The following IL1RAP variants were observed in gnomAD, a reference collection of about 807,000 sequenced individuals.
IL1RAP encodes the protein interleukin-1 receptor accessory protein.
A neutral mutation model predicts 60.7 loss-of-function variants in IL1RAP; 35 were observed. The ratio of observed to expected loss-of-function variants is 0.58; its 90% CI spans 0.44 to 0.76. The LOEUF (loss-of-function observed/expected upper bound fraction) is 0.76. Ranked by LOEUF, IL1RAP falls within the 30% of genes least tolerant of loss-of-function variation. The probability of loss-of-function intolerance (pLI) is 0.00; values close to 1 mark genes in which losing one functional copy is unlikely to be tolerated. For synonymous variants in IL1RAP, 268 were observed against 250.9 expected (o/e 1.07, Z -0.64); for missense variants, 572 against 693.9 (o/e 0.82, Z 1.97).
intron 3 of IL1RAP, among the ~76,000 whole-genome samples, chr3:190,571,783 C>T (rs1726949813): frequency 6.6e-6 from 1 of 152,178 alleles, no homozygotes. Flanking sequence ...CCCAAAACGG[C>T]CTTGAATATG....
chr3:190,574,371 T>C (rs889192114), intron 3 of IL1RAP, among the ~76,000 whole-genome samples: 5 of 152,190 alleles, frequency 3.3e-5, no homozygotes, highest in African/African-American at 1.2e-4. Context: ...AGATTGCAGA[T>C]GAATGAAGGA....
intron 1 of IL1RAP, among the ~76,000 whole-genome samples, chr3:190,546,836 C>T (rs368834813): frequency 6.6e-6 from 1 of 152,178 alleles, no homozygotes; most frequent in Admixed American, 6.5e-5. Flanking sequence ...TCTGTGTCAT[C>T]TATTCACATT....
intron 5 of IL1RAP, among the ~76,000 whole-genome samples, chr3:190,611,985 T>C (rs1278266127): frequency 1.3e-5 from 2 of 152,228 alleles, no homozygotes; most frequent in Admixed American, 6.5e-5. Context: ...GAACATACAA[T>C]ACTAATGTTA....
At chr3:190,580,115 G>A (rs866754939) in intron 3 of IL1RAP, among the ~76,000 whole-genome samples, 5 of 152,278 alleles carry the variant, frequency 3.3e-5, no homozygotes, top group South Asian at 4.1e-4. Context: ...ACTGGATCAA[G>A]GTAACTCTAT....
At chr3:190,606,321 T>C (rs1348825379) in intron 4 of IL1RAP, among the ~76,000 whole-genome samples, 1 of 152,230 alleles carries the variant, frequency 6.6e-6, no homozygotes, top group Non-Finnish European at 1.5e-5. Context: ...CTGCCACTAC[T>C]TAGCTGGTGA....
intron 1 of IL1RAP, chr3:190,550,395 G>A (rs1724764362): frequency 6.6e-6 from 1 of 152,222 alleles, no homozygotes; most frequent in Non-Finnish European, 1.5e-5. Flanking sequence ...GTCTCATGGG[G>A]AATTGCATGG....
At chr3:190,550,997 A>G (rs1305055484) in intron 1 of IL1RAP, among the ~76,000 whole-genome samples, 1 of 152,158 alleles carries the variant, frequency 6.6e-6, no homozygotes, top group Non-Finnish European at 1.5e-5. Context: ...TTTTGGTGGA[A>G]CTCTATTCCA....
At chr3:190,522,432 T>TATCC (rs539726629) in intron 1 of IL1RAP, among the ~76,000 whole-genome samples, 341 of 143,890 alleles carry the variant, frequency 2.4e-3, no homozygotes, top group East Asian at 5.6e-3. Flanking sequence ...TCTATCTATC[T>TATCC]ATCTATCTAT....
intron 3 of IL1RAP, among the ~76,000 whole-genome samples, chr3:190,570,370 A>G (rs1726803507): frequency 6.6e-6 from 1 of 152,236 alleles, no homozygotes. Context: ...TCAGCAACCT[A>G]GACCATATTC....
At chr3:190,619,860 G>A (rs1731616477) in intron 5 of IL1RAP, among the ~76,000 whole-genome samples, 1 of 152,136 alleles carries the variant, frequency 6.6e-6, no homozygotes, top group South Asian at 2.1e-4. Context: ...GGAGTGACTG[G>A]AGTCCCAAAT....
intron 3 of IL1RAP, among the ~76,000 whole-genome samples, chr3:190,578,240 T>C (rs1218266456): frequency 6.6e-6 from 1 of 152,246 alleles, no homozygotes; most frequent in Non-Finnish European, 1.5e-5. Flanking sequence ...TATTTCAATC[T>C]AATTAAATTT....
exon 12 of IL1RAP, chr3:190,657,388 G>A (rs184716426): frequency 6.6e-6 from 1 of 152,296 alleles, no homozygotes; most frequent in East Asian, 1.9e-4. Flanking sequence ...AAAAGAGAGG[G>A]AGAATGTGAC....
chr3:190,611,405 A>G (rs115548007), intron 5 of IL1RAP, among the ~76,000 whole-genome samples: 2 of 152,320 alleles, frequency 1.3e-5, no homozygotes, highest in Non-Finnish European at 2.9e-5. Context: ...AATCCAGACT[A>G]TGTGAAACTC....
At chr3:190,552,550 A>C (rs1048373698) in intron 1 of IL1RAP, among the ~76,000 whole-genome samples, 1 of 152,210 alleles carries the variant, frequency 6.6e-6, no homozygotes, top group African/African-American at 2.4e-5. Context: ...CCCTTTTAAA[A>C]ACATTTGATC....
Position 190,627,387 on chromosome 3 carries a change from T to G in IL1RAP, c.840T>G (p.Val280=). 1 of 1,613,970 alleles carries G rather than the reference T, an allele frequency of 6.2e-7. No homozygotes were observed. Among genetic ancestry groups the G allele is most frequent in the Non-Finnish European group, 8.5e-7 (1 of 1,179,934 alleles). The change falls in exon 8 of 12, where the codon GTT becomes GTG. Residue 280 remains valine, a synonymous_variant. Coordinates refer to ENST00000447382, the MANE Select transcript of IL1RAP (RefSeq NM_002182.4). ...TTCTGATGGATTCTCGCAATGAGGT[T>G]TGGTGGACCATTGATGGAAAAAAAC... ...FSFLMDSRNE[V]WWTIDGKKPD...
chr3:190,548,396 T>C (rs1724569220), intron 1 of IL1RAP, among the ~76,000 whole-genome samples: 1 of 152,218 alleles, frequency 6.6e-6, no homozygotes, highest in East Asian at 1.9e-4. Context: ...CCTTATTTTA[T>C]TGATAAGGAT....
At chr3:190,657,556 T>C (rs1734655439) in exon 12 of IL1RAP, 1 of 152,164 alleles carries the variant, frequency 6.6e-6, no homozygotes, top group Non-Finnish European at 1.5e-5. Context: ...GATCAGAAGG[T>C]AAGAGAAAAG....
At chr3:190,603,259 G>A (rs1577703569) in intron 3 of IL1RAP, among the ~76,000 whole-genome samples, 1 of 152,158 alleles carries the variant, frequency 6.6e-6, no homozygotes, top group Non-Finnish European at 1.5e-5. Flanking sequence ...TAAAAATAAT[G>A]TTTGATGATA....
intron 9 of IL1RAP, chr3:190,642,066 CTA>C (rs1733698158): frequency 6.6e-6 from 1 of 152,192 alleles, no homozygotes; most frequent in Non-Finnish European, 1.5e-5. Flanking sequence ...AATCAAAACT[CTA>C]TGATTCACCC....
Sources: gnomAD v4.1 joint callset for allele counts (sites outside exome capture counted in the v4.1 genomes callset) on GRCh38, gnomAD v4.1.1 for gene constraint, MANE v1.5 for transcripts, NCBI Gene and HGNC (gene_info 2026-07-23, HGNC 2026-07-21) for gene names.